Variants in SYDE2 observed in about 807,000 individuals in gnomAD.
SYDE2 encodes rho GTPase-activating protein SYDE2.
SYDE2 carries 76 observed loss-of-function variants against 91.5 expected under a neutral mutation model. The ratio of observed to expected loss-of-function variants is 0.83; its 90% CI spans 0.69 to 1.01. SYDE2 has a LOEUF of 1.01. SYDE2 is among the 50% of genes least tolerant of loss of function. The pLI, the probability that SYDE2 is intolerant of heterozygous loss-of-function variation, is 0.00. For missense variants in SYDE2, 1,364 were observed against 1,367.7 expected (o/e 1.00, Z 0.04); for synonymous variants, 513 against 506.4 (o/e 1.01, Z -0.18).
chr1:85,188,363 T>TA (rs933505596), intron 2 of SYDE2, among the ~76,000 whole-genome samples: 7 of 151,994 alleles, frequency 4.6e-5, no homozygotes, highest in Admixed American at 6.6e-5. Flanking sequence ...TAAAAACAAA[T>TA]AAAAAAACAC....
intron 2 of SYDE2, 46 bp downstream of exon 2, chr1:85,190,011 T>G: frequency 7.1e-7 from 1 of 1,409,930 alleles, no homozygotes; most frequent in Non-Finnish European, 9.6e-7. Context: ...ATCAAATAAT[T>G]CAAAAATGGA....
chr1:85,174,795 G>A (rs1252464419), intron 4 of SYDE2, among the ~76,000 whole-genome samples: 1 of 152,164 alleles, frequency 6.6e-6, no homozygotes, highest in Non-Finnish European at 1.5e-5. Context: ...CTTGGTGCTT[G>A]CACAGTTTTG....
chr1:85,185,180 TATC>T lies in SYDE2; in HGVS notation c.1442-1983_1442-1981del, dbSNP rs1265278178. On this transcript the variant is annotated intron_variant, in intron 2 of 6. Coordinates refer to ENST00000341460, the MANE Select transcript of SYDE2 (RefSeq NM_032184.2). ...ACCAAAAAATATTTTAATTATATAT[TATC>T]ATATATTTTACAATATTAAATGTAA... is the stretch of plus-strand genomic sequence containing the variant. Among the ~76,000 whole-genome samples the T allele has an allele frequency of 2.7e-5, 4 of 148,186 alleles. No individual in the cohort carries two copies. In the South Asian group the frequency reaches 6.3e-4, roughly 23 times the overall value.
chr1:85,171,418 T>C (rs1657502502), intron 4 of SYDE2, among the ~76,000 whole-genome samples: 1 of 151,398 alleles, frequency 6.6e-6, no homozygotes, highest in Non-Finnish European at 1.5e-5. Flanking sequence ...GAGAGGAGAG[T>C]GGCAAAAGTG....
downstream of SYDE2, among the ~76,000 whole-genome samples, chr1:85,155,917 A>G (rs1173179294): frequency 1.3e-5 from 2 of 152,194 alleles, no homozygotes; most frequent in Non-Finnish European, 2.9e-5. Context: ...AGGGAAGTAC[A>G]AGGTTGGTCA....
At position 85,164,485 on chromosome 1, in the gene SYDE2, C is replaced by T. The variant is rs146521899; in HGVS notation, c.3085+41G>A. The T allele has an allele frequency of 1.8e-4, 229 of 1,287,336 alleles. No individual in the cohort carries two copies. The African/African-American group carries it at 3.1e-3, about 17-fold the overall frequency. The allele number at this position is 1,287,336 out of a possible 1,614,324, so 79.7% of individuals were successfully genotyped here. ...TTAATGATTAGTTAATTCAAATACC[C>T]TATCATTGAAAGTGAAAAACATTTC... is the stretch of plus-strand genomic sequence containing the variant. On this transcript the variant is annotated intron_variant, in intron 6 of 6. Coordinates refer to ENST00000341460, the MANE Select transcript of SYDE2 (RefSeq NM_032184.2).
chr1:85,159,820 T>C, intron 6 of SYDE2: 2 of 974,456 alleles, frequency 2.1e-6, no homozygotes, highest in Non-Finnish European at 2.4e-6. Context: ...GACCACTTTG[T>C]TACCTGAGTT....
At chr1:85,165,349 G>A (rs535164517) in intron 5 of SYDE2, among the ~76,000 whole-genome samples, 14 of 152,220 alleles carry the variant, frequency 9.2e-5, no homozygotes, top group African/African-American at 2.6e-4. Flanking sequence ...GGGAAAATGC[G>A]TCCATTACCT....
intron 4 of SYDE2, among the ~76,000 whole-genome samples, chr1:85,170,395 A>G (rs1052380420): frequency 2.0e-5 from 3 of 152,092 alleles, no homozygotes; most frequent in Admixed American, 6.5e-5. Flanking sequence ...CCTGGCCCCA[A>G]GTTTTAAATA....
intron 2 of SYDE2, among the ~76,000 whole-genome samples, chr1:85,185,096 A>C (rs1247778830): frequency 6.6e-6 from 1 of 151,262 alleles, no homozygotes; most frequent in East Asian, 1.9e-4. Flanking sequence ...AAACAACAAA[A>C]AAAGATGACT....
chr1:85,190,056 C>T lies in SYDE2; in HGVS notation c.1441+1G>A, dbSNP rs200464319. 64 of 1,580,212 alleles carry T rather than the reference C, an allele frequency of 4.1e-5. 1 individual carries two copies. In the East Asian group the frequency reaches 1.4e-3, roughly 36 times the overall value. Reference sequence around the variant, plus strand: ...AAAGACACATATATGATCATTTTTACCTGCAAAAGGAGATTTCAACATGGG... The same window carrying T: ...AAAGACACATATATGATCATTTTTATCTGCAAAAGGAGATTTCAACATGGG... On this transcript the variant is annotated splice_donor_variant, in intron 2 of 6. Coordinates refer to ENST00000341460, the MANE Select transcript of SYDE2 (RefSeq NM_032184.2). LOFTEE classifies it high-confidence loss of function.
chr1:85,192,768 A>G (rs1200067726), intron 1 of SYDE2, among the ~76,000 whole-genome samples: 2 of 152,156 alleles, frequency 1.3e-5, no homozygotes, highest in Non-Finnish European at 2.9e-5. Context: ...CGCTAGCCCT[A>G]GGATTCAAAT....
intron 6 of SYDE2, among the ~76,000 whole-genome samples, chr1:85,163,480 T>TATATATATATATATATATAA (rs1216698478): frequency 2.2e-5 from 3 of 134,638 alleles, no homozygotes; most frequent in African/African-American, 8.9e-5. Flanking sequence ...TATATATATA[T>TATATATATATATATATATAA]AACAAAAGAG....
At chr1:85,160,001 GAC>G (rs1411423394) in intron 6 of SYDE2, 1 of 835,476 alleles carries the variant, frequency 1.2e-6, no homozygotes, top group South Asian at 4.9e-5. Context: ...TTACCACAGA[GAC>G]ACACATTACT....
At chr1:85,184,476 C>G (rs1658050259) in intron 2 of SYDE2, among the ~76,000 whole-genome samples, 1 of 152,168 alleles carries the variant, frequency 6.6e-6, no homozygotes, top group Admixed American at 6.6e-5. Context: ...CAGTTAAATA[C>G]TGTACTACAA....
chr1:85,175,318 G>A (rs536917034), intron 4 of SYDE2, among the ~76,000 whole-genome samples: 1 of 152,172 alleles, frequency 6.6e-6, no homozygotes, highest in Non-Finnish European at 1.5e-5. Context: ...TGGGCAACAC[G>A]GTGAAACCCT....
chr1:85,182,977 T>C lies in SYDE2; in HGVS notation c.1665A>G (p.Pro555=). The change falls in exon 3 of 7, where the codon CCA becomes CCG. Residue 555 remains proline, a synonymous_variant. Transcript: ENST00000341460. ...VKGTLNYINS[P]DNTPSLSKYN... ...ATTTAGACAAAGAAGGAGTATTATC[T>C]GGACTGTTTATATAATTCAATGTTC... The C allele has an allele frequency of 1.2e-6, 2 of 1,613,804 alleles. No homozygotes were observed. The highest frequency in any genetic ancestry group is 1.7e-6 in the Non-Finnish European group (2 of 1,179,776).
chr1:85,200,094 C>A (rs1658756049), intron 1 of SYDE2, 158 bp downstream of exon 1: 1 of 963,760 alleles, frequency 1.0e-6, no homozygotes, highest in African/African-American at 1.8e-5. Context: ...ATTAAGTAAC[C>A]CCGAAATTAC....
intron 1 of SYDE2, among the ~76,000 whole-genome samples, chr1:85,196,028 C>T (rs1004971665): frequency 6.6e-6 from 1 of 152,170 alleles, no homozygotes; most frequent in Non-Finnish European, 1.5e-5. Context: ...TCCTATACGG[C>T]CTCCTCTCTT....
Sources: allele counts gnomAD v4.1 joint callset (sites outside exome capture counted in the v4.1 genomes callset), GRCh38; gene constraint gnomAD v4.1.1; transcripts MANE v1.5; gene names NCBI Gene and HGNC (gene_info 2026-07-23, HGNC 2026-07-21).